PIK3CD: variants seen among roughly 807,000 people sequenced by gnomAD.
PIK3CD encodes the protein phosphatidylinositol-4,5-bisphosphate 3-kinase catalytic subunit delta.
PIK3CD carries 20 observed loss-of-function variants against 122.9 expected under a neutral mutation model. The observed-to-expected ratio is 0.16, with a 90% CI of 0.11 to 0.24. The LOEUF (loss-of-function observed/expected upper bound fraction) is 0.24, where lower values mean the gene tolerates loss of function less well. Among genes scored for constraint, PIK3CD ranks in the 10% least tolerant of loss-of-function variants. PIK3CD has a pLI of 1.00. For synonymous variants in PIK3CD, 596 were observed against 593.4 expected (o/e 1.00, Z -0.06); for missense variants, 787 against 1,406.3 (o/e 0.56, Z 7.04).
At position 9,717,214 on chromosome 1, in the gene PIK3CD, G is replaced by C; in HGVS notation, c.930+106G>C. On this transcript the variant is annotated intron_variant, in intron 7 of 23. Transcript: ENST00000377346. This position sits in a 1 kb window ranked among gnomAD's most constrained non-coding sequence, Gnocchi z 5.4. ...GGTCCAGGGGCCCTTGGTATGGAGA[G>C]CTGGGGCTTTGAGCTGGGGAAGCCA... is the stretch of plus-strand genomic sequence containing the variant. 1.4e-6 allele frequency: 2 copies of C among 1,419,434 alleles called. No homozygotes were observed. The highest frequency in any genetic ancestry group is 2.3e-5 in the South Asian group (2 of 86,028). 87.9% of individuals were successfully genotyped at this position (1,419,434 alleles called of 1,614,324 possible).
Position 9,721,495 on chromosome 1 carries a change from C to T in PIK3CD, c.1863C>T (p.Tyr621=), listed in dbSNP as rs151235777. 3,775 of 1,613,746 alleles carry T rather than the reference C, an allele frequency of 2.3e-3. 7 individuals are homozygous for T. The highest frequency in any genetic ancestry group is 3.0e-3 in the Non-Finnish European group (3,519 of 1,179,994). ...YLLQLVQVLK[Y]ESYLDCELTK... ...TGCAGCTGGTGCAGGTGCTCAAGTA[C>T]GAGTCCTACCTGGACTGCGAGCTGA... The change falls in exon 15 of 24, where the codon TAC becomes TAT. Residue 621 remains tyrosine (Y), a synonymous_variant. Coordinates refer to ENST00000377346, the MANE Select transcript of PIK3CD (RefSeq NM_005026.5).
At chr1:9,721,948 A>C (rs1459543930) in intron 16 of PIK3CD, 27 bp from the exon 17 acceptor site, 2 of 1,613,088 alleles carry the variant, frequency 1.2e-6, no homozygotes, top group Non-Finnish European at 1.7e-6. Flanking sequence ...GGACCTGCCC[A>C]CCGCCGCCCT....
rs182249374 is a variant in PIK3CD, at chr1:9,661,582, C to T, written c.-138+9780C>T. ...TTAAAACATTTTTTTTAGTAGAGGC[C>T]GGGTGTGGTGGCTCACACCTGTAAT... On this transcript the variant is annotated intron_variant, in intron 1 of 23. Coordinates refer to ENST00000377346, the MANE Select transcript of PIK3CD (RefSeq NM_005026.5). Among the ~76,000 whole-genome samples, 232 of 150,910 alleles carry T rather than the reference C, an allele frequency of 1.5e-3. 2 individuals carry two copies. The highest frequency in any genetic ancestry group is 5.3e-3 in the African/African-American group (220 of 41,198).
chr1:9,666,787 C>T (rs1348119441), intron 1 of PIK3CD, among the ~76,000 whole-genome samples: 1 of 151,996 alleles, frequency 6.6e-6, no homozygotes, highest in African/African-American at 2.4e-5. Context: ...TTACTGCAAC[C>T]TCTGCCTCCC....
In PIK3CD at chr1:9,678,240, G is replaced by T. The variant is rs572774116; in HGVS notation, c.-137-13227G>T. ...GTACTTTGGGAGGCCAAGGCAAGAG[G>T]ATCAATTGAGACCAACCTGGGCCAT... On this transcript the variant is annotated intron_variant, in intron 1 of 23. Transcript: ENST00000377346. Among the ~76,000 whole-genome samples, 9 of 151,994 alleles carry T rather than the reference G, an allele frequency of 5.9e-5. No homozygotes were observed. The South Asian group carries it at 1.7e-3, about 28-fold the overall frequency.
chr1:9,642,649 G>A, the PIK3CD span, among the ~76,000 whole-genome samples: 28 of 151,002 alleles, frequency 1.9e-4, no homozygotes, highest in African/African-American at 6.1e-4. Flanking sequence ...CCCGGGAGGC[G>A]GAGCTCGCAA....
chr1:9,666,759 C>T (rs898919618), intron 1 of PIK3CD, among the ~76,000 whole-genome samples: 9 of 152,150 alleles, frequency 5.9e-5, no homozygotes, highest in Non-Finnish European at 1.3e-4. Context: ...AGCTGGAGTG[C>T]AGTGGTGCGA....
chr1:9,706,640 C>CA (rs1646843473), intron 2 of PIK3CD, among the ~76,000 whole-genome samples: 1 of 152,044 alleles, frequency 6.6e-6, no homozygotes, highest in Non-Finnish European at 1.5e-5. Flanking sequence ...CACCAGATTT[C>CA]AAAGATTCGA....
intron 2 of PIK3CD, 85 bp downstream of exon 2, chr1:9,691,656 A>G (rs1646200871): frequency 2.5e-6 from 1 of 396,878 alleles, no homozygotes; most frequent in Non-Finnish European, 4.4e-6. Context: ...GAACAAACCC[A>G]TCCTCCCCGA....
chr1:9,680,067 C>G (rs1046778822), intron 1 of PIK3CD, among the ~76,000 whole-genome samples: 1 of 152,146 alleles, frequency 6.6e-6, no homozygotes, highest in Admixed American at 6.5e-5. Context: ...TCAGGTGATC[C>G]ACCCGCATTG....
the PIK3CD span, among the ~76,000 whole-genome samples, chr1:9,645,186 A>T: frequency 2.0e-5 from 3 of 151,804 alleles, no homozygotes; most frequent in African/African-American, 7.2e-5. Flanking sequence ...ACACCTGGCT[A>T]ATTTTTGTGT....
rs546505883 is a variant in PIK3CD, at chr1:9,726,901, G to T, written c.2998-8G>T. 8.9e-5 allele frequency: 144 copies of T among 1,613,810 alleles called. 1 individual carries two copies. The South Asian group carries it at 1.5e-3, about 17-fold the overall frequency. On this transcript the variant is annotated splice_region_variant and splice_polypyrimidine_tract_variant and intron_variant, in intron 23 of 23. Coordinates refer to ENST00000377346, the MANE Select transcript of PIK3CD (RefSeq NM_005026.5). Reference sequence around the variant, plus strand: ...CTTAACGTGGACACCGCTGTGATTTGTTTGCAGGACTCCCTGGCACTGGGG... The same window carrying T: ...CTTAACGTGGACACCGCTGTGATTTTTTTGCAGGACTCCCTGGCACTGGGG...
intron 1 of PIK3CD, among the ~76,000 whole-genome samples, chr1:9,682,640 C>T (rs1169283447): frequency 1.3e-5 from 2 of 152,312 alleles, no homozygotes; most frequent in Non-Finnish European, 2.9e-5. Context: ...ATCTCCGCCT[C>T]CTGGGTTCAA....
the PIK3CD span, among the ~76,000 whole-genome samples, chr1:9,630,662 T>G: frequency 6.6e-6 from 1 of 151,980 alleles, no homozygotes; most frequent in Non-Finnish European, 1.5e-5. Flanking sequence ...GCAGGTAACA[T>G]CTGTGCTGGG....
intron 13 of PIK3CD, 23 bp from the exon 14 acceptor site, chr1:9,721,104 A>T (rs991350901): frequency 1.9e-6 from 3 of 1,605,744 alleles, no homozygotes; most frequent in Non-Finnish European, 2.5e-6. Context: ...GCCGCCCCCA[A>T]GCCTGACCTC....
At chr1:9,702,891 T>G (rs1646700964) in intron 2 of PIK3CD, among the ~76,000 whole-genome samples, 1 of 152,124 alleles carries the variant, frequency 6.6e-6, no homozygotes, top group South Asian at 2.1e-4. Context: ...AAAATAGATG[T>G]TTTTAGCTGT....
upstream of PIK3CD, among the ~76,000 whole-genome samples, chr1:9,647,481 A>AATTATTATTATTATTATT (rs61118085): frequency 5.7e-4 from 79 of 139,450 alleles, no homozygotes; most frequent in Admixed American, 9.5e-4. Context: ...TCATGATTCT[A>AATTATTATTATTATTATT]ATTATTATTA....
In PIK3CD at chr1:9,715,480, A is replaced by T; in HGVS notation, c.142-61A>T. 6.7e-7 allele frequency: 1 copy of T among 1,481,732 alleles called. No individual in the cohort carries two copies. The highest frequency in any genetic ancestry group is 1.2e-5 in the South Asian group (1 of 86,682). The allele number at this position is 1,481,732 out of a possible 1,614,324, so 91.8% of individuals were successfully genotyped here. ...GGAGGCCAGCTCTCCACCCTCCCTC[A>T]GCCTCCCACCTCCCAGTGGCTGCCT... On this transcript the variant is annotated intron_variant, in intron 3 of 23. Transcript: ENST00000377346. This position sits in a 1 kb window ranked among gnomAD's most constrained non-coding sequence, Gnocchi z 4.1.
Position 9,721,038 on chromosome 1 carries a change from C to CACCCTG in PIK3CD, c.1690-82_1690-77dup, listed in dbSNP as rs1449464127. 53 of 1,444,684 alleles carry CACCCTG rather than the reference C, an allele frequency of 3.7e-5. No homozygotes were observed. The South Asian group carries it at 4.3e-4, about 12-fold the overall frequency. 89.5% of individuals were successfully genotyped at this position (1,444,684 alleles called of 1,614,324 possible). On this transcript the variant is annotated intron_variant, in intron 13 of 23. Transcript: ENST00000377346. ...CTTCACCCTGACCCTGGCCACCCAC[C>CACCCTG]ACCCTGACCCTGGCTGGCCATCACC... is the stretch of plus-strand genomic sequence containing the variant.
Sources: gnomAD v4.1 joint callset for allele counts (sites outside exome capture counted in the v4.1 genomes callset) on GRCh38, gnomAD v4.1.1 for gene constraint, Gnocchi (gnomAD v3.1) non-coding constraint, MANE v1.5 for transcripts, NCBI Gene and HGNC (gene_info 2026-07-23, HGNC 2026-07-21) for gene names.